The following PIP4P2 variants were observed in gnomAD, a reference collection of about 807,000 sequenced individuals.
The protein encoded by PIP4P2 is type 2 phosphatidylinositol 4,5-bisphosphate 4-phosphatase.
In PIP4P2, 19 loss-of-function variants were observed where a neutral mutation model predicts 33.3. That is an observed-to-expected ratio of 0.57 (90% CI 0.40 to 0.84). PIP4P2 has a LOEUF of 0.84. Among genes scored for constraint, PIP4P2 ranks in the 40% least tolerant of loss-of-function variants. The pLI is 0.00. For missense variants in PIP4P2, 270 were observed against 324.7 expected (o/e 0.83, Z 1.29); for synonymous variants, 110 against 111.9 (o/e 0.98, Z 0.11).
Position 91,040,763 on chromosome 8 carries a change from G to A in PIP4P2, c.-14C>T, listed in dbSNP as rs1812295579. Reference sequence around the variant, plus strand: ...ATCAGCAGCCATGACTGCGGCAGCGGCGGGGCCTGGGGAGGCCGAGCCGGG... The same window carrying A: ...ATCAGCAGCCATGACTGCGGCAGCGACGGGGCCTGGGGAGGCCGAGCCGGG... On this transcript the variant is annotated 5_prime_UTR_variant, in exon 1 of 7. Coordinates refer to ENST00000285419, the MANE Select transcript of PIP4P2 (RefSeq NM_018710.3). The A allele has an allele frequency of 4.3e-6, 7 of 1,610,798 alleles. No individual in the cohort carries two copies. Among genetic ancestry groups the A allele is most frequent in the East Asian group, 2.2e-5 (1 of 44,856 alleles).
intron 5 of PIP4P2, among the ~76,000 whole-genome samples, chr8:91,002,569 C>T (rs796862612): frequency 1.2e-4 from 19 of 152,264 alleles, no homozygotes; most frequent in African/African-American, 4.3e-4. Flanking sequence ...GGCTTTATTA[C>T]ACAAGACTTA....
chr8:91,029,572 T>C (rs1421108243), intron 1 of PIP4P2, among the ~76,000 whole-genome samples: 2 of 152,220 alleles, frequency 1.3e-5, no homozygotes, highest in East Asian at 1.9e-4. Context: ...CATTCATTCA[T>C]ACAATCAATA....
At position 91,020,225 on chromosome 8, in the gene PIP4P2, T is replaced by G; in HGVS notation, c.294A>C (p.Arg98Ser). The G allele has an allele frequency of 6.2e-7, 1 of 1,613,786 alleles. No individual in the cohort carries two copies. The highest frequency in any genetic ancestry group is 1.3e-5 in the African/African-American group (1 of 75,038). Reference protein sequence around the residue: ...KNPPTGKKYVRCPCNCLLICK... With the variant: ...KNPPTGKKYVSCPCNCLLICK... The stretch of plus-strand genomic sequence containing the variant: ...AAATGAGAAGACAATTACAAGGGCA[T>G]CTAACATATTTCTTGCCTGTTGGGG... The change falls in exon 3 of 7, where the codon AGA (arginine) becomes AGC (serine). Residue 98 changes from arginine (R) to serine (S), a missense_variant. Coordinates refer to ENST00000285419, the MANE Select transcript of PIP4P2 (RefSeq NM_018710.3).
At chr8:91,000,403 T>G (rs1290815280) in intron 5 of PIP4P2, among the ~76,000 whole-genome samples, 2 of 151,760 alleles carry the variant, frequency 1.3e-5, no homozygotes, top group African/African-American at 2.4e-5. Context: ...TTAGCAGTTT[T>G]TTTTTTTTTT....
rs1236136615 is a variant in PIP4P2, at chr8:91,040,856, T to TGCTGCTGCCGCTGCTGCTGCTGCC, written c.-108_-107insGGCAGCAGCAGCAGCGGCAGCAGC. The TGCTGCTGCCGCTGCTGCTGCTGCC allele has an allele frequency of 2.3e-6, 2 of 865,944 alleles. No homozygotes were observed. Among genetic ancestry groups the TGCTGCTGCCGCTGCTGCTGCTGCC allele is most frequent in the African/African-American group, 3.5e-5 (2 of 56,478 alleles). The allele number at this position is 865,944 out of a possible 1,614,324, so 53.6% of individuals were successfully genotyped here. Reference sequence around the variant, plus strand: ...CTGCCGCTGCTGCCGCTGCAGCTGCTGCTGCTGCCGCCTCCGGGAGGGCCC... The same window carrying TGCTGCTGCCGCTGCTGCTGCTGCC: ...CTGCCGCTGCTGCCGCTGCAGCTGCTGCTGCTGCCGCTGCTGCTGCTGCCGCTGCTGCCGCCTCCGGGAGGGCCC... On this transcript the variant is annotated 5_prime_UTR_variant, in exon 1 of 7. Transcript: ENST00000285419.
intron 4 of PIP4P2, among the ~76,000 whole-genome samples, chr8:91,010,608 G>A (rs549910918): frequency 6.6e-6 from 1 of 151,896 alleles, no homozygotes; most frequent in East Asian, 1.9e-4. Flanking sequence ...TCACTTAAAC[G>A]GAGCAAACTA....
intron 4 of PIP4P2, among the ~76,000 whole-genome samples, chr8:91,015,788 T>A (rs1242062113): frequency 6.6e-6 from 1 of 152,186 alleles, no homozygotes. Flanking sequence ...TCTGTATTTG[T>A]CTTGATTGGC....
Position 90,995,733 on chromosome 8 carries a change from G to C in PIP4P2, c.718C>G (p.Arg240Gly). The C allele has an allele frequency of 1.2e-6, 2 of 1,613,244 alleles. No individual in the cohort carries two copies. Among genetic ancestry groups the C allele is most frequent in the Non-Finnish European group, 1.7e-6 (2 of 1,179,528 alleles). ...AYLLGLICLI[R>G]ACYWGAIRVS... ...CTTATGGCTCCCCAATAACAAGCTC[G>C]GATAAGGCAGATCAATCCTAGGAGA... The change falls in exon 7 of 7, where the codon CGA becomes GGA. Residue 240 changes from arginine to glycine, a missense_variant. Physicochemically the swap from Arg to Gly is moderately radical, Grantham distance 125. Coordinates refer to ENST00000285419, the MANE Select transcript of PIP4P2 (RefSeq NM_018710.3).
rs1414456891 is a variant in PIP4P2, at chr8:91,008,906, C to G, written c.487-111G>C. 4 of 821,372 alleles carry G rather than the reference C, an allele frequency of 4.9e-6. No individual in the cohort carries two copies. In the African/African-American group the frequency reaches 6.8e-5, roughly 14 times the overall value. The allele number at this position is 821,372 out of a possible 1,614,324, so 50.9% of individuals were successfully genotyped here. A position where few individuals can be genotyped will look rare whatever the true frequency, so the allele number is the denominator to read the frequency against. On this transcript the variant is annotated intron_variant, in intron 4 of 6. Coordinates refer to ENST00000285419, the MANE Select transcript of PIP4P2 (RefSeq NM_018710.3). ...CATCAGGGATCACAACAGAAGCAAT[C>G]ACCTTCTCACGGTTACATGAGTTTT...
At chr8:91,008,846 C>T (rs772764594) in intron 4 of PIP4P2, 51 bp from the exon 5 acceptor site, 2 of 1,460,624 alleles carry the variant, frequency 1.4e-6, no homozygotes, top group South Asian at 2.4e-5. Flanking sequence ...TGAAAACTAT[C>T]CAATCTGATA....
intron 5 of PIP4P2, among the ~76,000 whole-genome samples, chr8:91,004,999 T>G (rs1811748194): frequency 6.6e-6 from 1 of 152,144 alleles, no homozygotes; most frequent in Non-Finnish European, 1.5e-5. Flanking sequence ...AATACAGAAT[T>G]TTTTCAACTC....
chr8:91,008,776 T>C lies in PIP4P2; in HGVS notation c.506A>G (p.Asn169Ser). The C allele has an allele frequency of 6.2e-7, 1 of 1,609,152 alleles. No individual in the cohort carries two copies. Among genetic ancestry groups the C allele is most frequent in the Non-Finnish European group, 8.5e-7 (1 of 1,176,496 alleles). ...NTFLWMELRF[N>S]TLAKCPHCKK... is the part of the protein sequence containing the mutation. Reference sequence around the variant, plus strand: ...GCAGTGTGGGCATTTTGCCAGAGTGTTGAACCTCAGTTCCATCCACTGTAA... The same window carrying C: ...GCAGTGTGGGCATTTTGCCAGAGTGCTGAACCTCAGTTCCATCCACTGTAA... Residue 169 changes from asparagine to serine, a missense_variant, in exon 5 of 7, where the codon AAC becomes AGC. Coordinates refer to ENST00000285419, the MANE Select transcript of PIP4P2 (RefSeq NM_018710.3).
chr8:91,011,973 T>A (rs1811842957), intron 4 of PIP4P2, among the ~76,000 whole-genome samples: 7 of 151,932 alleles, frequency 4.6e-5, no homozygotes, highest in Admixed American at 3.9e-4. Flanking sequence ...AATAAAAGCC[T>A]TGTCACATAT....
At chr8:91,009,622 G>C (rs1338130076) in intron 4 of PIP4P2, among the ~76,000 whole-genome samples, 1 of 151,646 alleles carries the variant, frequency 6.6e-6, no homozygotes, top group Non-Finnish European at 1.5e-5. Context: ...TATTAAAATT[G>C]TTTCATTTGG....
chr8:91,009,601 C>T (rs1811804217), intron 4 of PIP4P2, among the ~76,000 whole-genome samples: 4 of 151,796 alleles, frequency 2.6e-5, no homozygotes, highest in Admixed American at 2.6e-4. Context: ...ATCATCAAAA[C>T]AACATATTTT....
chr8:91,005,746 A>G (rs1811754683), intron 5 of PIP4P2, among the ~76,000 whole-genome samples: 1 of 152,256 alleles, frequency 6.6e-6, no homozygotes. Flanking sequence ...TACATCAGTG[A>G]TGTAAAAGAA....
Position 91,006,694 on chromosome 8 carries a change from T to G in PIP4P2, c.539+2049A>C, listed in dbSNP as rs1278628101. ...CCACAGAGGTCTCTGTCAGGCCAGGTGCAGTGGCTCATGCCTGTATTCTCA... is the reference window on the plus strand; with the variant it reads ...CCACAGAGGTCTCTGTCAGGCCAGGGGCAGTGGCTCATGCCTGTATTCTCA... On this transcript the variant is annotated intron_variant, in intron 5 of 6. Coordinates refer to ENST00000285419, the MANE Select transcript of PIP4P2 (RefSeq NM_018710.3). 3.3e-5 allele frequency among the ~76,000 whole-genome samples: 5 copies of G among 152,164 alleles called. No homozygotes were observed. The East Asian group carries it at 9.6e-4, about 29-fold the overall frequency.
At chr8:91,034,087 C>T (rs745738932) in intron 1 of PIP4P2, among the ~76,000 whole-genome samples, 23 of 152,096 alleles carry the variant, frequency 1.5e-4, no homozygotes, top group Non-Finnish European at 2.2e-4. Flanking sequence ...CTTTCCTGGA[C>T]GCTCATCTCA....
At chr8:91,035,044 A>C (rs1417268447) in intron 1 of PIP4P2, among the ~76,000 whole-genome samples, 1 of 152,244 alleles carries the variant, frequency 6.6e-6, no homozygotes, top group Admixed American at 6.5e-5. Flanking sequence ...CTAAGAAAGC[A>C]TAAGAGTACA....
Sources: gnomAD v4.1 joint callset for allele counts (sites outside exome capture counted in the v4.1 genomes callset) on GRCh38, gnomAD v4.1.1 for gene constraint, MANE v1.5 for transcripts, NCBI Gene and HGNC (gene_info 2026-07-23, HGNC 2026-07-21) for gene names.